Variants in ZDHHC11B observed in about 807,000 individuals in gnomAD.
ZDHHC11B encodes the protein zDHHC palmitoyltransferase 11B (putative).
ZDHHC11B carries 17 observed loss-of-function variants against 42.3 expected under a neutral mutation model. The observed-to-expected ratio is 0.40, with a 90% CI of 0.27 to 0.60. The LOEUF is 0.60. Among genes scored for constraint, ZDHHC11B ranks in the 20% least tolerant of loss-of-function variants. ZDHHC11B has a pLI of 0.41. For synonymous variants in ZDHHC11B, 123 were observed against 193.5 expected (o/e 0.64, Z 3.02); for missense variants, 262 against 463.2 (o/e 0.57, Z 3.99).
At chr5:774,246 C>A (rs1181829875) in intron 1 of ZDHHC11B, among the ~76,000 whole-genome samples, 5 of 152,226 alleles carry the variant, frequency 3.3e-5, no homozygotes, top group Non-Finnish European at 5.9e-5. Context: ...TGCCCAAAGC[C>A]AAACTTACAG....
intron 1 of ZDHHC11B, among the ~76,000 whole-genome samples, chr5:772,373 G>A (rs1291991947): frequency 6.9e-6 from 1 of 145,798 alleles, no homozygotes; most frequent in Non-Finnish European, 1.5e-5. Flanking sequence ...AAGGAACAGG[G>A]GTCAGACCAT....
rs760763588 is a variant in ZDHHC11B at position 766,536 on chromosome 5, G to A, written c.222+162C>T. The stretch of plus-strand genomic sequence containing the variant: ...CCTGAGCAGGGGCTGCACAGAGCAC[G>A]AATGGCCACTGGGCCCACCTGCAGG... On this transcript the variant is annotated intron_variant, in intron 4 of 13. Transcript: ENST00000508859. 9.9e-5 allele frequency among the ~76,000 whole-genome samples: 15 copies of A among 151,872 alleles called. 1 individual carries two copies. The highest frequency in any genetic ancestry group is 7.3e-5 in the African/African-American group (3 of 41,332).
Position 784,677 on chromosome 5 carries a change from G to C in ZDHHC11B, c.-239C>G, listed in dbSNP as rs1737127871. On this transcript the variant is annotated 5_prime_UTR_variant, in exon 1 of 14. Transcript: ENST00000508859. ...CCCCGCGCCCGCTTACCTTGGAGACGCAGCAACTGCAGCGGAGGCTCCCCC... is the reference window on the plus strand; with the variant it reads ...CCCCGCGCCCGCTTACCTTGGAGACCCAGCAACTGCAGCGGAGGCTCCCCC... 1.3e-5 allele frequency among the ~76,000 whole-genome samples: 2 copies of C among 150,284 alleles called. No individual in the cohort carries two copies. The highest frequency in any genetic ancestry group is 6.6e-5 in the Admixed American group (1 of 15,154).
chr5:766,026 G>A (rs871864), intron 4 of ZDHHC11B, among the ~76,000 whole-genome samples: 2 of 151,962 alleles, frequency 1.3e-5, no homozygotes, highest in South Asian at 4.2e-4. Flanking sequence ...AGGCCCCTTT[G>A]TCCCCACACA....
intron 1 of ZDHHC11B, among the ~76,000 whole-genome samples, chr5:777,916 A>G (rs1187877332): frequency 6.6e-6 from 1 of 151,488 alleles, no homozygotes; most frequent in Admixed American, 6.6e-5. Flanking sequence ...GGGGCGGGGG[A>G]GGGGGGGCGT....
intron 11 of ZDHHC11B, among the ~76,000 whole-genome samples, chr5:733,384 C>T (rs1743197411): frequency 6.6e-6 from 1 of 151,828 alleles, no homozygotes; most frequent in South Asian, 2.1e-4. Context: ...CAGCATGTGG[C>T]TTCTGCCATG....
intron 4 of ZDHHC11B, among the ~76,000 whole-genome samples, chr5:766,390 C>T (rs1200333701): frequency 9.9e-5 from 15 of 151,878 alleles, no homozygotes; most frequent in African/African-American, 3.6e-4. Context: ...CAGCGGCTGC[C>T]CTGTCCAACC....
At chr5:733,615 T>A in intron 11 of ZDHHC11B, 137 bp downstream of exon 11, 1 of 742,724 alleles carries the variant, frequency 1.3e-6, no homozygotes, top group Non-Finnish European at 2.2e-6. Flanking sequence ...CCACCATCAT[T>A]CCCATGTGAG....
intron 12 of ZDHHC11B, among the ~76,000 whole-genome samples, chr5:718,042 CA>C (rs1371065010): frequency 6.6e-6 from 1 of 151,716 alleles, no homozygotes; most frequent in Non-Finnish European, 1.5e-5. Context: ...ACTGGGGTAT[CA>C]CCAAATGAAT....
At chr5:774,122 T>G (rs1736273276) in intron 1 of ZDHHC11B, among the ~76,000 whole-genome samples, 1 of 151,964 alleles carries the variant, frequency 6.6e-6, no homozygotes, top group South Asian at 2.1e-4. Flanking sequence ...GCAGGCCACC[T>G]TGGCCCCAAC....
At chr5:718,694 T>TC in intron 12 of ZDHHC11B, among the ~76,000 whole-genome samples, 1 of 44,594 alleles carries the variant, frequency 2.2e-5, no homozygotes, top group South Asian at 6.9e-4. Context: ...AGACTCTGTC[T>TC]CAAAAAAAAA....
At chr5:732,527 A>G (rs1185169290) in intron 11 of ZDHHC11B, 6 of 382,974 alleles carry the variant, frequency 1.6e-5, no homozygotes, top group Non-Finnish European at 2.6e-5. Flanking sequence ...AGTGTCTCCA[A>G]ATCTTTGCTG....
chr5:715,233 T>A (rs1166158853), intron 13 of ZDHHC11B, among the ~76,000 whole-genome samples: 2 of 150,600 alleles, frequency 1.3e-5, no homozygotes, highest in Non-Finnish European at 3.0e-5. Flanking sequence ...CACAGCTCCA[T>A]TTGATGCTCA....
At chr5:738,826 A>G (rs1743820477) in intron 10 of ZDHHC11B, among the ~76,000 whole-genome samples, 1 of 146,578 alleles carries the variant, frequency 6.8e-6, no homozygotes, top group Non-Finnish European at 1.5e-5. Context: ...TGAAAGCAAA[A>G]TCTACAAGAT....
At chr5:777,644 C>G (rs576291178) in intron 1 of ZDHHC11B, among the ~76,000 whole-genome samples, 3 of 151,964 alleles carry the variant, frequency 2.0e-5, no homozygotes, top group Non-Finnish European at 4.4e-5. Context: ...CTAATTGGTC[C>G]GTTTTACAGA....
intron 1 of ZDHHC11B, among the ~76,000 whole-genome samples, chr5:771,453 C>T (rs187521652): frequency 1.2e-3 from 169 of 139,938 alleles, no homozygotes; most frequent in Non-Finnish European, 2.1e-3. Flanking sequence ...CGCATGGGGG[C>T]AGGGTCTCAT....
chr5:771,261 C>T (rs1736007066), intron 1 of ZDHHC11B, among the ~76,000 whole-genome samples: 1 of 151,772 alleles, frequency 6.6e-6, no homozygotes, highest in Admixed American at 6.6e-5. Context: ...GTGGCCCCTG[C>T]TGAACTTGAG....
chr5:744,749 C>T lies in ZDHHC11B; in HGVS notation c.900+434G>A, dbSNP rs185606030. ...AGTGGGGCGTAGTGGCATACATCTG[C>T]GATCCCAGCTACTTGGGAGGCTGAG... On this transcript the variant is annotated intron_variant, in intron 9 of 13. Coordinates refer to ENST00000508859, the MANE Select transcript of ZDHHC11B (RefSeq NM_001351303.2). 2.4e-3 allele frequency among the ~76,000 whole-genome samples: 358 copies of T among 148,726 alleles called. 16 individuals carry two copies. The highest frequency in any genetic ancestry group is 4.6e-3 in the African/African-American group (186 of 40,378).
chr5:763,359 G>T (rs1378575581), intron 4 of ZDHHC11B, among the ~76,000 whole-genome samples: 3 of 143,460 alleles, frequency 2.1e-5, no homozygotes, highest in Non-Finnish European at 4.6e-5. Context: ...ACAAGAGTGA[G>T]ACTCCCATCT....
Sources: gnomAD v4.1 joint callset for allele counts (sites outside exome capture counted in the v4.1 genomes callset) on GRCh38, gnomAD v4.1.1 for gene constraint, MANE v1.5 for transcripts, NCBI Gene and HGNC (gene_info 2026-07-23, HGNC 2026-07-21) for gene names.